SNTB2: variants seen among roughly 807,000 people sequenced by gnomAD.
The protein encoded by SNTB2 is beta-2-syntrophin.
A neutral mutation model predicts 46.2 loss-of-function variants in SNTB2; 34 were observed. The observed-to-expected ratio is 0.74, with a 90% CI of 0.56 to 0.98. The LOEUF (loss-of-function observed/expected upper bound fraction) is 0.98, where lower values mean the gene tolerates loss of function less well. SNTB2 is among the 50% of genes least tolerant of loss of function. The pLI, the probability that SNTB2 is intolerant of heterozygous loss-of-function variation, is 0.00. For missense variants in SNTB2, 603 were observed against 731.4 expected (o/e 0.82, Z 2.02); for synonymous variants, 290 against 312.6 (o/e 0.93, Z 0.76).
intron 1 of SNTB2, among the ~76,000 whole-genome samples, chr16:69,189,869 G>A (rs188135539): frequency 3.9e-4 from 59 of 152,318 alleles, no homozygotes; most frequent in Admixed American, 3.5e-3. Context: ...AATAGGCCAC[G>A]TGTGCTTTTA....
At chr16:69,300,025 G>A (rs1371255998) in intron 6 of SNTB2, among the ~76,000 whole-genome samples, 1 of 151,936 alleles carries the variant, frequency 6.6e-6, no homozygotes, top group Non-Finnish European at 1.5e-5. Flanking sequence ...CTGAGTAACT[G>A]GGACTGGACT....
At chr16:69,192,031 T>C (rs1964060112) in intron 1 of SNTB2, among the ~76,000 whole-genome samples, 1 of 152,102 alleles carries the variant, frequency 6.6e-6, no homozygotes, top group Non-Finnish European at 1.5e-5. Context: ...GTTGAAGAGA[T>C]AGAAGAGGTG....
chr16:69,264,660 C>T (rs887583746), intron 3 of SNTB2, among the ~76,000 whole-genome samples: 6 of 151,542 alleles, frequency 4.0e-5, no homozygotes, highest in Non-Finnish European at 5.9e-5. Flanking sequence ...TACGCCTGTC[C>T]GAAAAATATG....
intron 6 of SNTB2, 130 bp downstream of exon 6, chr16:69,299,904 AATTTTTTTAAAG>A (rs1303477911): frequency 2.9e-6 from 3 of 1,018,428 alleles, no homozygotes; most frequent in Admixed American, 5.9e-5. Context: ...AATTAAAAAA[AATTTTTTTAAAG>A]ATGGGGTCTC....
intron 2 of SNTB2, among the ~76,000 whole-genome samples, chr16:69,254,986 T>C (rs1964759577): frequency 6.6e-6 from 1 of 152,214 alleles, no homozygotes; most frequent in South Asian, 2.1e-4. Flanking sequence ...TGATGACTTC[T>C]GTGTGTAGTC....
intron 1 of SNTB2, among the ~76,000 whole-genome samples, chr16:69,223,316 C>T (rs1964425488): frequency 1.3e-5 from 2 of 151,748 alleles, no homozygotes; most frequent in Non-Finnish European, 2.9e-5. Context: ...CCTCAGCCTC[C>T]CAAGTAGCTG....
At chr16:69,258,876 G>A (rs1171734474) in intron 2 of SNTB2, among the ~76,000 whole-genome samples, 3 of 151,914 alleles carry the variant, frequency 2.0e-5, no homozygotes, top group Non-Finnish European at 2.9e-5. Flanking sequence ...GCCTCCCAAA[G>A]TGCTGAGATT....
chr16:69,287,579 A>G (rs1431484889), intron 5 of SNTB2, among the ~76,000 whole-genome samples: 3 of 151,780 alleles, frequency 2.0e-5, no homozygotes, highest in African/African-American at 7.3e-5. Flanking sequence ...AAAAATAGAA[A>G]TGCTGGAAGC....
intron 1 of SNTB2, among the ~76,000 whole-genome samples, chr16:69,243,020 TAAAAAAAAAA>T (rs371176390): frequency 2.1e-5 from 2 of 96,090 alleles, no homozygotes; most frequent in African/African-American, 7.7e-5. Context: ...GACTGCATCT[TAAAAAAAAAA>T]AAAAAAAAAA....
chr16:69,191,930 C>T (rs1430661938), intron 1 of SNTB2, among the ~76,000 whole-genome samples: 3 of 152,090 alleles, frequency 2.0e-5, no homozygotes, highest in African/African-American at 4.8e-5. Context: ...CATGAGCCAC[C>T]GCACCTGGCC....
intron 3 of SNTB2, among the ~76,000 whole-genome samples, chr16:69,264,643 C>T (rs1449135456): frequency 6.6e-6 from 1 of 152,044 alleles, no homozygotes; most frequent in Non-Finnish European, 1.5e-5. Flanking sequence ...AAAGTGGACA[C>T]CTAAGTTACG....
chr16:69,253,243 G>A (rs1037278590), intron 2 of SNTB2, among the ~76,000 whole-genome samples: 2 of 151,824 alleles, frequency 1.3e-5, no homozygotes, highest in Admixed American at 6.6e-5. Flanking sequence ...GACTCTTTTG[G>A]ATCCTAGACT....
At chr16:69,233,585 G>A (rs1294446306) in intron 1 of SNTB2, among the ~76,000 whole-genome samples, 1 of 152,080 alleles carries the variant, frequency 6.6e-6, no homozygotes, top group Non-Finnish European at 1.5e-5. Flanking sequence ...TTTTAGGGGG[G>A]AGGAATTTGG....
chr16:69,273,355 A>G (rs543074137), intron 4 of SNTB2, among the ~76,000 whole-genome samples: 1 of 152,244 alleles, frequency 6.6e-6, no homozygotes, highest in Non-Finnish European at 1.5e-5. Flanking sequence ...ATGAATGGAT[A>G]AAGTGTGACA....
chr16:69,204,509 C>T (rs1724093129), intron 1 of SNTB2, among the ~76,000 whole-genome samples: 1 of 152,140 alleles, frequency 6.6e-6, no homozygotes, highest in African/African-American at 2.4e-5. Context: ...AGGCCTTTCC[C>T]AACATGAATT....
intron 1 of SNTB2, among the ~76,000 whole-genome samples, chr16:69,202,064 A>G (rs1194462785): frequency 1.3e-5 from 2 of 150,728 alleles, no homozygotes; most frequent in African/African-American, 2.5e-5. Flanking sequence ...AGTGTCTGTG[A>G]TGTTTAGCTG....
At chr16:69,208,990 G>GTGTGTGTGTGTGTGTGTGTGTGTTTT (rs1488187077) in intron 1 of SNTB2, among the ~76,000 whole-genome samples, 161 of 152,096 alleles carry the variant, frequency 1.1e-3, no homozygotes, top group African/African-American at 3.6e-3. Flanking sequence ...GTGTGTGTGT[G>GTGTGTGTGTGTGTGTGTGTGTGTTTT]TTTTTGAGAT....
In SNTB2 at chr16:69,187,605, C is replaced by G. The variant is rs1232626758; in HGVS notation, c.439C>G (p.Pro147Ala). 2.6e-6 allele frequency: 4 copies of G among 1,556,930 alleles called. No homozygotes were observed. Among genetic ancestry groups the G allele is most frequent in the Non-Finnish European group, 3.5e-6 (4 of 1,156,448 alleles). Residue 147 changes from proline (P) to alanine (A), a missense_variant, in exon 1 of 7, where the codon CCC becomes GCC. Transcript: ENST00000336278. ...RMPILISKIF[P>A]GLAADQSRAL... is the part of the protein sequence containing the mutation. ...GCCGATCCTCATCTCCAAGATCTTC[C>G]CCGGGCTGGCTGCCGACCAGAGCCG...
chr16:69,238,594 C>A (rs1964580170), intron 1 of SNTB2, among the ~76,000 whole-genome samples: 1 of 152,204 alleles, frequency 6.6e-6, no homozygotes, highest in Non-Finnish European at 1.5e-5. Flanking sequence ...ACTTATATAT[C>A]TAGCTGCCTG....
Sources: gnomAD v4.1 joint callset for allele counts (sites outside exome capture counted in the v4.1 genomes callset) on GRCh38, gnomAD v4.1.1 for gene constraint, MANE v1.5 for transcripts, NCBI Gene and HGNC (gene_info 2026-07-23, HGNC 2026-07-21) for gene names.